RWDD4: variants seen among roughly 807,000 people sequenced by gnomAD.
RWDD4 encodes the protein RWD domain containing 4.
Under a neutral mutation model 30.0 loss-of-function variants are expected in RWDD4, and 16 were observed. That is an observed-to-expected ratio of 0.53 (90% CI 0.36 to 0.81). RWDD4 has a LOEUF of 0.81. RWDD4 is among the 30% of genes least tolerant of loss of function. The pLI, the probability that RWDD4 is intolerant of heterozygous loss-of-function variation, is 0.00. For synonymous variants in RWDD4, 45 were observed against 72.1 expected, an observed-to-expected ratio of 0.62 and a Z score of 1.90; for missense variants, 170 against 223.9, an observed-to-expected ratio of 0.76 and a Z score of 1.54.
intron 7 of RWDD4, among the ~76,000 whole-genome samples, chr4:183,645,105 ACAAAACAACAACAAAAAACC>A (rs1733942740): frequency 1.3e-5 from 2 of 152,146 alleles, no homozygotes; most frequent in Admixed American, 6.5e-5. Flanking sequence ...ATCTTCAAAA[ACAAAACAACAACAAAAAACC>A]CAAAACAACA....
intron 2 of RWDD4, among the ~76,000 whole-genome samples, chr4:183,654,218 A>G (rs1734139300): frequency 6.6e-6 from 1 of 152,218 alleles, no homozygotes; most frequent in South Asian, 2.1e-4. Flanking sequence ...TTGGAGTGTC[A>G]AGTGAAAAAA....
At chr4:183,652,746 G>T (rs1734108513) in intron 2 of RWDD4, among the ~76,000 whole-genome samples, 1 of 150,388 alleles carries the variant, frequency 6.6e-6, no homozygotes, top group Non-Finnish European at 1.5e-5. Flanking sequence ...GTAGGCAGAG[G>T]TTGCAGTGAG....
intron 2 of RWDD4, among the ~76,000 whole-genome samples, chr4:183,652,875 T>C (rs1334312130): frequency 6.8e-6 from 1 of 147,778 alleles, no homozygotes; most frequent in Non-Finnish European, 1.5e-5. Flanking sequence ...TACAGGCGTG[T>C]GCCCCATGCC....
At chr4:183,643,325 A>C (rs1387884728) in intron 7 of RWDD4, among the ~76,000 whole-genome samples, 1 of 142,048 alleles carries the variant, frequency 7.0e-6, no homozygotes, top group Non-Finnish European at 1.5e-5. Flanking sequence ...CTGAGGTAGA[A>C]GAATCGCTTG....
intron 1 of RWDD4, among the ~76,000 whole-genome samples, chr4:183,656,984 C>T: frequency 6.6e-6 from 1 of 152,192 alleles, no homozygotes; most frequent in East Asian, 1.9e-4. Flanking sequence ...CGAGATCGGG[C>T]CACTGCAATC....
chr4:183,651,387 T>C, intron 2 of RWDD4, 60 bp from the exon 3 acceptor site: 1 of 1,213,372 alleles, frequency 8.2e-7, no homozygotes. Context: ...AAAACTAAAT[T>C]ATAATCTTCA....
rs1459050195 is a variant in RWDD4, at chr4:183,657,768, C to T, written c.24+1161G>A. On this transcript the variant is annotated intron_variant, in intron 1 of 7. Transcript: ENST00000326397. ...GAAGACAAGCTAAAAGGAACCACTT[C>T]CTCAGAGAAGGTCTGAGAAACTGGG... Among the ~76,000 whole-genome samples, 5 of 152,306 alleles carry T rather than the reference C, an allele frequency of 3.3e-5. No homozygotes were observed. The South Asian group carries it at 6.2e-4, about 19-fold the overall frequency.
chr4:183,644,263 G>A (rs1046999451), intron 7 of RWDD4, among the ~76,000 whole-genome samples: 5 of 152,186 alleles, frequency 3.3e-5, no homozygotes, highest in African/African-American at 7.2e-5. Flanking sequence ...AAGCATCAGT[G>A]GAGAAAGTCC....
rs1733843341 is a variant in RWDD4, at chr4:183,640,940, A to T, written c.*496T>A. 1 of 152,438 alleles carries T rather than the reference A, an allele frequency of 6.6e-6. No homozygotes were observed. The highest frequency in any genetic ancestry group is 1.5e-5 in the Non-Finnish European group (1 of 68,064). 9.4% of individuals were successfully genotyped at this position (152,438 alleles called of 1,614,324 possible). A position where few individuals can be genotyped will look rare whatever the true frequency, so the allele number is the denominator to read the frequency against. On this transcript the variant is annotated 3_prime_UTR_variant, in exon 8 of 8. Coordinates refer to ENST00000326397, the MANE Select transcript of RWDD4 (RefSeq NM_152682.4). ...GTATCATGTATAAAGTTCAAATACCAGCATTTAAATTTCTCTGAAGTAATT... is the reference window on the plus strand; with the variant it reads ...GTATCATGTATAAAGTTCAAATACCTGCATTTAAATTTCTCTGAAGTAATT...
chr4:183,646,611 C>T, intron 5 of RWDD4, 74 bp from the exon 6 acceptor site: 4 of 1,282,132 alleles, frequency 3.1e-6, no homozygotes, highest in Non-Finnish European at 4.4e-6. Context: ...ATTTTATATA[C>T]TACTGTACAC....
intron 2 of RWDD4, 57 bp downstream of exon 2, chr4:183,655,824 C>T: frequency 1.0e-6 from 1 of 989,692 alleles, no homozygotes; most frequent in Non-Finnish European, 1.5e-6. Context: ...GCATTTTTAG[C>T]CACTTTCAGT....
In RWDD4 at chr4:183,651,061, T is replaced by C. The variant is rs769331959; in HGVS notation, c.286A>G (p.Met96Val). ...EAVEANLGTA[M>V]TYTLFEYAKD... Reference sequence around the variant, plus strand: ...GCATATTCAAACAATGTATAGGTCATAGCGGTTCCAAGATTAGCTTCTACT... The same window carrying C: ...GCATATTCAAACAATGTATAGGTCACAGCGGTTCCAAGATTAGCTTCTACT... Residue 96 changes from methionine to valine, a missense_variant, in exon 4 of 8, where the codon ATG (methionine) becomes GTG (valine). Coordinates refer to ENST00000326397, the MANE Select transcript of RWDD4 (RefSeq NM_152682.4). The C allele has an allele frequency of 2.5e-6, 4 of 1,613,930 alleles. No individual in the cohort carries two copies. Among genetic ancestry groups the C allele is most frequent in the Middle Eastern group, 1.7e-4 (1 of 5,904 alleles).
chr4:183,657,150 T>G (rs567707854), intron 1 of RWDD4, among the ~76,000 whole-genome samples: 7 of 152,254 alleles, frequency 4.6e-5, no homozygotes, highest in African/African-American at 1.7e-4. Flanking sequence ...CCTTCTTAGA[T>G]AGGGAAACTT....
chr4:183,653,869 T>G (rs2111248433), intron 2 of RWDD4, among the ~76,000 whole-genome samples: 1 of 152,358 alleles, frequency 6.6e-6, no homozygotes, highest in African/African-American at 2.4e-5. Context: ...TATTCCTGTC[T>G]TCAGACAGAT....
At chr4:183,641,610 C>T in intron 7 of RWDD4, 142 bp from the exon 8 acceptor site, 1 of 677,414 alleles carries the variant, frequency 1.5e-6, no homozygotes, top group Non-Finnish European at 2.6e-6. Flanking sequence ...AGCTACTTTT[C>T]AACTTCAAGC....
chr4:183,658,155 T>C (rs1032831714), intron 1 of RWDD4, among the ~76,000 whole-genome samples: 8 of 152,184 alleles, frequency 5.3e-5, no homozygotes, highest in African/African-American at 1.7e-4. Context: ...CTATTACATT[T>C]ATCATGTAAA....
rs1161437586 is a variant in RWDD4, at chr4:183,651,252, T to G, written c.181A>C (p.Ile61Leu). 1 of 1,613,138 alleles carries G rather than the reference T, an allele frequency of 6.2e-7. No individual in the cohort carries two copies. Among genetic ancestry groups the G allele is most frequent in the Admixed American group, 1.7e-5 (1 of 59,990 alleles). ...WTETYPQTPP[I>L]LSMNAFFNNT... ...TTAAAAAAAGCGTTCATAGATAGAA[T>G]TGGAGGTGTTTGGGGATATGTTTCT... is the stretch of plus-strand genomic sequence containing the variant. The change falls in exon 3 of 8, where the codon ATT becomes CTT. Residue 61 changes from isoleucine to leucine, a missense_variant. Coordinates refer to ENST00000326397, the MANE Select transcript of RWDD4 (RefSeq NM_152682.4).
intron 1 of RWDD4, among the ~76,000 whole-genome samples, chr4:183,658,450 G>A (rs1166176278): frequency 6.6e-6 from 1 of 152,142 alleles, no homozygotes; most frequent in Non-Finnish European, 1.5e-5. Flanking sequence ...CAGACAGATG[G>A]GTAAAAGATT....
At chr4:183,651,402 G>A in intron 2 of RWDD4, 75 bp from the exon 3 acceptor site, 1 of 1,102,500 alleles carries the variant, frequency 9.1e-7, no homozygotes, top group Non-Finnish European at 1.4e-6. Context: ...TCTTCAAAAG[G>A]GTGAATTCTT....
Sources: gnomAD v4.1 joint callset for allele counts (sites outside exome capture counted in the v4.1 genomes callset) on GRCh38, gnomAD v4.1.1 for gene constraint, MANE v1.5 for transcripts, NCBI Gene and HGNC (gene_info 2026-07-23, HGNC 2026-07-21) for gene names.